Variants in VBP1 observed in about 807,000 individuals in gnomAD.
VBP1 encodes VHL binding protein 1, also known as prefoldin subunit 3.
In VBP1, 4 loss-of-function variants were observed where a neutral mutation model predicts 15.5. The observed-to-expected ratio is 0.26, with a 90% CI of 0.13 to 0.59. The LOEUF (loss-of-function observed/expected upper bound fraction) is 0.59. Ranked by LOEUF, VBP1 falls within the 20% of genes least tolerant of loss-of-function variation. The probability of loss-of-function intolerance (pLI) is 0.90; values close to 1 mark genes in which losing one functional copy is unlikely to be tolerated. For missense variants in VBP1, 108 were observed against 139.6 expected, an observed-to-expected ratio of 0.77 and a Z score of 1.14; for synonymous variants, 61 against 52.1, an observed-to-expected ratio of 1.17 and a Z score of -0.74.
At chrX:155,216,970 G>A (rs782148590) in intron 1 of VBP1, among the ~76,000 whole-genome samples, 6 of 112,349 alleles carry the variant, frequency 5.3e-5, no homozygotes, top group African/African-American at 1.3e-4. Flanking sequence ...TGAATAGGCA[G>A]AACAGCCAGT....
chrX:155,234,497 A>G (rs139063967), intron 4 of VBP1, among the ~76,000 whole-genome samples: 116 of 111,150 alleles, frequency 1.0e-3, no homozygotes, highest in Non-Finnish European at 1.8e-3. Flanking sequence ...CAACATTACT[A>G]TTCACACGCA....
At chrX:155,215,229 CAA>C (rs2074658234), upstream of VBP1, among the ~76,000 whole-genome samples, 1 of 111,516 alleles carries the variant, frequency 9.0e-6, no homozygotes, top group Non-Finnish European at 1.9e-5. Flanking sequence ...TTTTCAAAAA[CAA>C]AATTTTTTTT....
At chrX:155,229,139 G>C (rs2074733992) in intron 4 of VBP1, among the ~76,000 whole-genome samples, 1 of 111,844 alleles carries the variant, frequency 8.9e-6, no homozygotes, top group African/African-American at 3.3e-5. Flanking sequence ...CCTAGCTGCT[G>C]TCCTGTAGGA....
upstream of VBP1, among the ~76,000 whole-genome samples, chrX:155,211,808 C>G (rs1429916334): frequency 8.9e-6 from 1 of 112,134 alleles, no homozygotes; most frequent in Non-Finnish European, 1.9e-5. Flanking sequence ...ATCTCCCATG[C>G]TATGAGCAGG....
intron 1 of VBP1, among the ~76,000 whole-genome samples, chrX:155,201,773 G>T (rs2074605195): frequency 1.8e-5 from 2 of 108,774 alleles, no homozygotes; most frequent in Non-Finnish European, 3.8e-5. Flanking sequence ...AATTAAGCAG[G>T]AGAAGGAAAT....
In VBP1 at chrX:155,216,465, C is replaced by T. The variant is rs1429507603; in HGVS notation, c.-18C>T. On this transcript the variant is annotated 5_prime_UTR_variant, in exon 1 of 6. Transcript: ENST00000286428. ...CGGCCGGCGGCCCGGGAGGCAGTCG[C>T]GCGCTCGCATCCCCAAGATGGCGGC... 1.7e-6 allele frequency: 2 copies of T among 1,163,221 alleles called. No homozygotes were observed. Among genetic ancestry groups the T allele is most frequent in the African/African-American group, 3.6e-5 (2 of 55,719 alleles).
intron 1 of VBP1, among the ~76,000 whole-genome samples, chrX:155,204,319 A>AT (rs1212994503): frequency 5.4e-5 from 6 of 110,304 alleles, no homozygotes; most frequent in Non-Finnish European, 1.1e-4. Flanking sequence ...CGCCAGGCTA[A>AT]TTTTTTTATT....
chrX:155,231,841 G>T (rs1557310908), intron 4 of VBP1, among the ~76,000 whole-genome samples: 1 of 112,039 alleles, frequency 8.9e-6, no homozygotes, highest in African/African-American at 3.2e-5. Flanking sequence ...CCAAGTCAAG[G>T]GGTGTTTGGA....
At chrX:155,203,402 C>T (rs1290808653) in intron 1 of VBP1, among the ~76,000 whole-genome samples, 1 of 110,554 alleles carries the variant, frequency 9.0e-6, no homozygotes, top group East Asian at 2.8e-4. Flanking sequence ...AAATGTGGCA[C>T]ATATACACCA....
intron 4 of VBP1, among the ~76,000 whole-genome samples, chrX:155,233,202 A>G (rs2074755301): frequency 9.0e-6 from 1 of 111,630 alleles, no homozygotes; most frequent in Non-Finnish European, 1.9e-5. Context: ...TAAATTGTCA[A>G]CAGGGCTGTA....
chrX:155,231,623 G>A (rs1557310875), intron 4 of VBP1, among the ~76,000 whole-genome samples: 1 of 112,397 alleles, frequency 8.9e-6, no homozygotes, highest in African/African-American at 3.2e-5. Context: ...GCAGGCTACT[G>A]CTCCATCCCC....
intron 1 of VBP1, among the ~76,000 whole-genome samples, chrX:155,199,632 C>A (rs1183588703): frequency 1.8e-5 from 2 of 111,815 alleles, no homozygotes; most frequent in African/African-American, 6.5e-5. Context: ...AAGGAACAAC[C>A]AGTACCAGCC....
chrX:155,238,440 T>G lies in VBP1; in HGVS notation c.524-332T>G, dbSNP rs2074783958. 2.7e-5 allele frequency among the ~76,000 whole-genome samples: 3 copies of G among 112,167 alleles called. No homozygotes were observed. In the South Asian group the frequency reaches 1.1e-3, roughly 41 times the overall value. The stretch of plus-strand genomic sequence containing the variant: ...ATATGGGTTGAGTGATCTTTCAGAT[T>G]TCTTGGATGAGGGACTGTCTTTAAA... On this transcript the variant is annotated intron_variant, in intron 5 of 5. Transcript: ENST00000286428.
intron 4 of VBP1, among the ~76,000 whole-genome samples, chrX:155,231,614 C>T (rs2074746929): frequency 8.9e-6 from 1 of 112,551 alleles, no homozygotes; most frequent in Non-Finnish European, 1.9e-5. Flanking sequence ...TAGAAAGCAG[C>T]AGGCTACTGC....
intron 1 of VBP1, among the ~76,000 whole-genome samples, chrX:155,219,977 TAA>T (rs377248591): frequency 6.6e-5 from 6 of 91,041 alleles, no homozygotes; most frequent in Admixed American, 1.2e-4. Flanking sequence ...TTCCAAAATC[TAA>T]AAAAAAAAAA....
chrX:155,219,128 T>C (rs1287617113), intron 1 of VBP1, among the ~76,000 whole-genome samples: 1 of 112,267 alleles, frequency 8.9e-6, no homozygotes, highest in African/African-American at 3.2e-5. Context: ...TCTCTTCCTT[T>C]TTCTTCCTTG....
At chrX:155,225,035 A>G (rs782274793) in intron 2 of VBP1, among the ~76,000 whole-genome samples, 6 of 111,771 alleles carry the variant, frequency 5.4e-5, no homozygotes, top group Admixed American at 9.5e-5. Flanking sequence ...TCTTTGTGGT[A>G]TCTTTAAGTA....
At chrX:155,233,303 T>C (rs1250967611) in intron 4 of VBP1, among the ~76,000 whole-genome samples, 1 of 111,786 alleles carries the variant, frequency 8.9e-6, no homozygotes, top group African/African-American at 3.3e-5. Context: ...GGTCCCTGTT[T>C]CCTTGCTGCC....
intron 2 of VBP1, among the ~76,000 whole-genome samples, chrX:155,210,342 C>T (rs781993780): frequency 1.8e-5 from 2 of 111,659 alleles, no homozygotes; most frequent in African/African-American, 6.5e-5. Context: ...TACTCCTAGC[C>T]ACTCGGGAGG....
Sources: allele counts gnomAD v4.1 joint callset (sites outside exome capture counted in the v4.1 genomes callset), GRCh38; gene constraint gnomAD v4.1.1; transcripts MANE v1.5; gene names NCBI Gene and HGNC (gene_info 2026-07-23, HGNC 2026-07-21).